Variants in RYR3 observed in about 807,000 individuals in gnomAD.
RYR3 encodes ryanodine receptor 3.
Under a neutral mutation model 584.3 loss-of-function variants are expected in RYR3, and 207 were observed. That is an observed-to-expected ratio of 0.35 (90% CI 0.32 to 0.40). The LOEUF (loss-of-function observed/expected upper bound fraction) is 0.40. Among genes scored for constraint, RYR3 ranks in the 10% least tolerant of loss-of-function variants. The pLI, the probability that RYR3 is intolerant of heterozygous loss-of-function variation, is 1.00. For missense variants in RYR3, 5,616 were observed against 6,089.2 expected (o/e 0.92, Z 2.59); for synonymous variants, 2,416 against 2,248.5 (o/e 1.07, Z -2.11).
chr15:33,621,981 C>T (rs1481252594), intron 19 of RYR3, among the ~76,000 whole-genome samples: 2 of 152,172 alleles, frequency 1.3e-5, no homozygotes, highest in Non-Finnish European at 2.9e-5. Flanking sequence ...TCCCCCTCCA[C>T]ACATACACTC....
chr15:33,562,816 T>C (rs763732903), intron 10 of RYR3, 21 bp from the exon 11 acceptor site: 1 of 1,594,384 alleles, frequency 6.3e-7, no homozygotes, highest in South Asian at 1.1e-5. Flanking sequence ...CTATGTTTGT[T>C]TCTTTTTGTG....
intron 1 of RYR3, among the ~76,000 whole-genome samples, chr15:33,347,131 A>G (rs1178480375): frequency 3.9e-5 from 6 of 152,236 alleles, no homozygotes; most frequent in Admixed American, 3.9e-4. Context: ...CACCTGGCTG[A>G]CATAGTACTT....
In RYR3 at chr15:33,821,252, GA is replaced by G. The variant is rs577675268; in HGVS notation, c.10816-17del. The G allele has an allele frequency of 2.9e-5, 44 of 1,495,550 alleles. No individual in the cohort carries two copies. In the African/African-American group the frequency reaches 8.8e-4, roughly 30 times the overall value. 92.6% of individuals were successfully genotyped at this position (1,495,550 alleles called of 1,614,324 possible). On this transcript the variant is annotated splice_polypyrimidine_tract_variant and intron_variant, in intron 78 of 103. Coordinates refer to ENST00000634891, the MANE Select transcript of RYR3 (RefSeq NM_001036.6). ...TGGGTAGGAACCAATCTTTCCCTGT[GA>G]TTTTTTTTCCCCCCAGGAGAAAGAG...
At chr15:33,794,995 G>A (rs1369070207) in intron 67 of RYR3, among the ~76,000 whole-genome samples, 5 of 152,152 alleles carry the variant, frequency 3.3e-5, no homozygotes, top group African/African-American at 7.2e-5. Context: ...GTTTCAGACC[G>A]TTCAAACCAT....
intron 1 of RYR3, among the ~76,000 whole-genome samples, chr15:33,321,273 C>T (rs906678128): frequency 6.6e-6 from 1 of 152,210 alleles, no homozygotes; most frequent in African/African-American, 2.4e-5. Flanking sequence ...CTGTAAGGAT[C>T]TGGCTTTTCA....
At chr15:33,834,324 AGT>A (rs146710571) in intron 86 of RYR3, among the ~76,000 whole-genome samples, 15,593 of 130,780 alleles carry the variant, frequency 0.12, 1,003 homozygotes, top group East Asian at 0.22. Flanking sequence ...ACACACACAC[AGT>A]GAGATTAACA....
chr15:33,530,674 G>T lies in RYR3; in HGVS notation c.354+8G>T, dbSNP rs2054792880. 2 of 1,607,988 alleles carry T rather than the reference G, an allele frequency of 1.2e-6. No individual in the cohort carries two copies. On this transcript the variant is annotated splice_region_variant and intron_variant, in intron 4 of 103. Coordinates refer to ENST00000634891, the MANE Select transcript of RYR3 (RefSeq NM_001036.6). ...CACTCTTTCAGCGGAATGGTAAGCA[G>T]CTCTGGTGCCCACTTTCATCATTCA...
rs927796521 is a variant in RYR3 at position 33,807,564 on chromosome 15, G to A, written c.10021G>A (p.Val3341Ile). Reference protein sequence around the residue: ...SKSKMSKAMQVKSGGQDQERK... With the variant: ...SKSKMSKAMQIKSGGQDQERK... The stretch of plus-strand genomic sequence containing the variant: ...TTGTCTTTCCACACAGGCCATGCAA[G>A]TAAAGGTACAGGTCAAATGCATGAC... Residue 3341 changes from valine (V) to isoleucine (I), a missense_variant, in exon 70 of 104, where the codon GTA (valine) becomes ATA (isoleucine). This residue lies in a region of RYR3 where 954 missense variants were observed against 1,132.2 expected (regional missense o/e 0.84). Transcript: ENST00000634891. 1 of 1,551,946 alleles carries A rather than the reference G, an allele frequency of 6.4e-7. No individual in the cohort carries two copies. Among genetic ancestry groups the A allele is most frequent in the Admixed American group, 2.0e-5 (1 of 51,022 alleles).
chr15:33,652,070 C>T (rs928956307), intron 31 of RYR3, among the ~76,000 whole-genome samples: 2 of 152,080 alleles, frequency 1.3e-5, no homozygotes, highest in Non-Finnish European at 2.9e-5. Flanking sequence ...GTTTTGTATT[C>T]TGGGGTTTGG....
intron 1 of RYR3, among the ~76,000 whole-genome samples, chr15:33,389,895 A>G (rs2596198): frequency 0.91 from 138,859 of 152,264 alleles, 63,644 homozygotes; most frequent in African/African-American, 0.98. Context: ...AAAATGTAAC[A>G]TGACAGTGAA....
chr15:33,531,804 C>A (rs1484391056), intron 4 of RYR3, among the ~76,000 whole-genome samples: 3 of 151,912 alleles, frequency 2.0e-5, no homozygotes, highest in Non-Finnish European at 1.5e-5. Flanking sequence ...AAACTTTGAA[C>A]CCTGATAATA....
At chr15:33,381,767 C>A (rs556622916) in intron 1 of RYR3, among the ~76,000 whole-genome samples, 2 of 152,256 alleles carry the variant, frequency 1.3e-5, no homozygotes, top group South Asian at 4.1e-4. Context: ...TGTTGCTCAC[C>A]CACTTCAGCC....
At chr15:33,373,368 C>T (rs1357141652) in intron 1 of RYR3, among the ~76,000 whole-genome samples, 1 of 152,208 alleles carries the variant, frequency 6.6e-6, no homozygotes, top group East Asian at 1.9e-4. Flanking sequence ...AGACTTTCCA[C>T]AAGGTACATA....
At chr15:33,863,508 G>C (rs1889278239) in intron 102 of RYR3, among the ~76,000 whole-genome samples, 1 of 152,130 alleles carries the variant, frequency 6.6e-6, no homozygotes, top group Non-Finnish European at 1.5e-5. Flanking sequence ...GGTTCCTTTG[G>C]AAACGGTCTC....
At chr15:33,403,000 A>G (rs1289466525) in intron 1 of RYR3, among the ~76,000 whole-genome samples, 1 of 152,244 alleles carries the variant, frequency 6.6e-6, no homozygotes, top group Non-Finnish European at 1.5e-5. Context: ...TCAAATGGCT[A>G]GAGACATAGT....
chr15:33,563,735 AG>A (rs1283729704), intron 11 of RYR3, among the ~76,000 whole-genome samples: 1 of 152,194 alleles, frequency 6.6e-6, no homozygotes, highest in Admixed American at 6.5e-5. Flanking sequence ...TAGCAGCCTA[AG>A]GTAGTCATGA....
intron 14 of RYR3, among the ~76,000 whole-genome samples, chr15:33,582,099 G>T (rs993535719): frequency 3.3e-5 from 5 of 152,210 alleles, no homozygotes; most frequent in African/African-American, 4.8e-5. Context: ...AAAAGAAAAA[G>T]GTGGGAAGTA....
At chr15:33,736,410 G>A (rs1437204228) in intron 49 of RYR3, 85 bp downstream of exon 49, 4 of 888,442 alleles carry the variant, frequency 4.5e-6, no homozygotes, top group Non-Finnish European at 7.1e-6. Context: ...AATTTAGAAG[G>A]AAAAATACAT....
chr15:33,736,575 C>T (rs879789924), intron 49 of RYR3, among the ~76,000 whole-genome samples: 9 of 152,190 alleles, frequency 5.9e-5, no homozygotes, highest in Middle Eastern at 3.4e-3. Flanking sequence ...GCATTTAATA[C>T]GAGGACTTAG....
Sources: gnomAD v4.1 joint callset for allele counts (sites outside exome capture counted in the v4.1 genomes callset) on GRCh38, gnomAD v4.1.1 for gene constraint, gnomAD v4.1.1 regional missense constraint, MANE v1.5 for transcripts, NCBI Gene and HGNC (gene_info 2026-07-23, HGNC 2026-07-21) for gene names.